ZNF221: variants seen among roughly 807,000 people sequenced by gnomAD.
ZNF221 encodes zinc finger protein 221.
In ZNF221, 10 loss-of-function variants were observed where a neutral mutation model predicts 12.6. The ratio of observed to expected loss-of-function variants is 0.79; its 90% CI spans 0.49 to 1.34. The LOEUF (loss-of-function observed/expected upper bound fraction) is 1.34, where lower values mean the gene tolerates loss of function less well. Ranked by LOEUF, ZNF221 falls within the 40% of genes most tolerant of loss-of-function variation. The pLI is 0.00. For synonymous variants in ZNF221, 232 were observed against 244.0 expected (o/e 0.95, Z 0.46); for missense variants, 661 against 721.4 (o/e 0.92, Z 0.96).
chr19:43,962,334 C>T (rs1974859171), intron 1 of ZNF221, among the ~76,000 whole-genome samples: 1 of 152,256 alleles, frequency 6.6e-6, no homozygotes, highest in South Asian at 2.1e-4. Flanking sequence ...ACCTCATTCT[C>T]ACCTCAAATC....
downstream of ZNF221, among the ~76,000 whole-genome samples, chr19:43,968,801 C>T (rs1009422973): frequency 3.3e-5 from 5 of 152,162 alleles, no homozygotes; most frequent in Non-Finnish European, 5.9e-5. Context: ...TCACCCCCAC[C>T]CAAGGGAAGC....
At chr19:43,954,162 A>G (rs1205563787) in intron 1 of ZNF221, among the ~76,000 whole-genome samples, 14 of 151,864 alleles carry the variant, frequency 9.2e-5, no homozygotes, top group Admixed American at 7.9e-4. Context: ...AGTCACATTA[A>G]TAAGTCCAGT....
At chr19:43,975,569 A>C in the ZNF221 span, among the ~76,000 whole-genome samples, 7 of 152,280 alleles carry the variant, frequency 4.6e-5, no homozygotes, top group South Asian at 1.5e-3. Context: ...CATCAGGCAG[A>C]ATAGCTAATG....
rs775835540 is a variant in ZNF221 at position 43,967,163 on chromosome 19, GGGTCCAC to G, written c.1664_1670del (p.Val555GlyfsTer22). ...AAATTTAATCTTGACATGCACCAGAGGGTCCACGGGGGAGAGCGACCCTATAATTGTA... is the reference window on the plus strand; with the variant it reads ...AAATTTAATCTTGACATGCACCAGAGGGGGGAGAGCGACCCTATAATTGTA... On this transcript the variant is annotated frameshift_variant, in exon 5 of 5. Coordinates refer to ENST00000587682, the MANE Select transcript of ZNF221 (RefSeq NM_001297588.2). LOFTEE classifies it low-confidence loss of function (END_TRUNC). 1,392 of 1,594,230 alleles carry G rather than the reference GGGTCCAC, an allele frequency of 8.7e-4. 2 individuals carry two copies. Among genetic ancestry groups the G allele is most frequent in the Non-Finnish European group, 1.1e-3 (1,238 of 1,167,586 alleles).
chr19:43,955,352 C>A (rs767730082), intron 1 of ZNF221, among the ~76,000 whole-genome samples: 4 of 151,598 alleles, frequency 2.6e-5, no homozygotes, highest in Non-Finnish European at 4.4e-5. Flanking sequence ...TCAGAGGGTG[C>A]AAGAACATGT....
intron 2 of ZNF221, among the ~76,000 whole-genome samples, 174 bp from the exon 3 acceptor site, chr19:43,964,776 T>C (rs1974908154): frequency 6.6e-6 from 1 of 152,222 alleles, no homozygotes; most frequent in African/African-American, 2.4e-5. Flanking sequence ...CATGAAAATC[T>C]GCGTGTGTCA....
the ZNF221 span, among the ~76,000 whole-genome samples, chr19:43,979,878 A>G: frequency 6.6e-6 from 1 of 152,198 alleles, no homozygotes; most frequent in South Asian, 2.1e-4. Context: ...TAAAGGCACT[A>G]TTGACTTTAT....
chr19:43,961,558 A>T (rs1974842981), intron 1 of ZNF221, among the ~76,000 whole-genome samples: 1 of 152,176 alleles, frequency 6.6e-6, no homozygotes, highest in Admixed American at 6.5e-5. Flanking sequence ...TACCTATTAG[A>T]TATGGCTAGA....
the ZNF221 span, among the ~76,000 whole-genome samples, chr19:43,980,863 C>G: frequency 1.3e-5 from 2 of 152,172 alleles, no homozygotes; most frequent in African/African-American, 4.8e-5. Context: ...TAAGTCTGTG[C>G]AATGTGTCCC....
At chr19:43,975,176 C>T in the ZNF221 span, among the ~76,000 whole-genome samples, 1 of 152,106 alleles carries the variant, frequency 6.6e-6, no homozygotes, top group South Asian at 2.1e-4. Flanking sequence ...TACCATTTCA[C>T]CTAGCAATCC....
In ZNF221 at chr19:43,965,090, C is replaced by T. The variant is rs1974914506; in HGVS notation, c.208+14C>T. On this transcript the variant is annotated intron_variant, in intron 3 of 4. Transcript: ENST00000587682. ...TGCTCTCAGTAGGTGAGGACAGGCA[C>T]CCTCTGTAACAGAATGTTAGGCCCC... 3 of 1,612,874 alleles carry T rather than the reference C, an allele frequency of 1.9e-6. No individual in the cohort carries two copies. Among genetic ancestry groups the T allele is most frequent in the Non-Finnish European group, 1.7e-6 (2 of 1,179,352 alleles).
the ZNF221 span, among the ~76,000 whole-genome samples, chr19:43,976,041 C>T: frequency 1.3e-5 from 2 of 152,080 alleles, no homozygotes; most frequent in Non-Finnish European, 2.9e-5. Flanking sequence ...GCAGGATTCA[C>T]AGTAAACACT....
chr19:43,971,598 A>G (rs965934244), downstream of ZNF221, among the ~76,000 whole-genome samples: 3 of 151,920 alleles, frequency 2.0e-5, no homozygotes, highest in Non-Finnish European at 4.4e-5. Flanking sequence ...AAAAAGCAGG[A>G]GTCACAATCC....
In ZNF221 at chr19:43,966,296, GT is replaced by G. The variant is rs780872896; in HGVS notation, c.795del (p.Ser265ArgfsTer97). On this transcript the variant is annotated frameshift_variant, in exon 5 of 5. Coordinates refer to ENST00000587682, the MANE Select transcript of ZNF221 (RefSeq NM_001297588.2). LOFTEE classifies it low-confidence loss of function (END_TRUNC). ...GGGCAATGTGGGAAAGGCTTCCATA[GT>G]AGATCAGCACTTAATGTTCATTGCA... Reference protein sequence around the residue: ...KCGQCGKGFHSRSALNVHCKL... With the variant: ...KCGQCGKGFHXRSALNVHCKL... 2.5e-6 allele frequency: 4 copies of G among 1,613,288 alleles called. No individual in the cohort carries two copies. Among genetic ancestry groups the G allele is most frequent in the African/African-American group, 1.3e-5 (1 of 75,028 alleles).
chr19:43,969,710 G>A (rs1356527497), downstream of ZNF221, among the ~76,000 whole-genome samples: 3 of 152,128 alleles, frequency 2.0e-5, no homozygotes, highest in Non-Finnish European at 4.4e-5. Context: ...GTCTCCCTGT[G>A]GGGGGTCTTC....
intron 1 of ZNF221, among the ~76,000 whole-genome samples, chr19:43,956,514 TC>T (rs751739768): frequency 7.2e-5 from 5 of 69,016 alleles, no homozygotes; most frequent in Non-Finnish European, 2.0e-4. Flanking sequence ...TTTTATCCTC[TC>T]TTATGCGAAA....
At chr19:43,974,007 C>T in the ZNF221 span, among the ~76,000 whole-genome samples, 2 of 152,114 alleles carry the variant, frequency 1.3e-5, no homozygotes, top group African/African-American at 2.4e-5. Flanking sequence ...AACTATACTC[C>T]AAGGCTACAG....
At chr19:43,978,426 A>G in the ZNF221 span, 1 of 152,194 alleles carries the variant, frequency 6.6e-6, no homozygotes, top group Non-Finnish European at 1.5e-5. Flanking sequence ...CTATCACCAG[A>G]TAATAGTTCA....
chr19:43,965,439 T>C, intron 4 of ZNF221, 114 bp downstream of exon 4: 1 of 820,456 alleles, frequency 1.2e-6, no homozygotes, highest in Non-Finnish European at 1.8e-6. Flanking sequence ...TCATAACTTA[T>C]TGCAACTGCC....
Sources: gnomAD v4.1 joint callset for allele counts (sites outside exome capture counted in the v4.1 genomes callset) on GRCh38, gnomAD v4.1.1 for gene constraint, MANE v1.5 for transcripts, NCBI Gene and HGNC (gene_info 2026-07-23, HGNC 2026-07-21) for gene names.